PRPF31: variants seen among roughly 807,000 people sequenced by gnomAD.
PRPF31 encodes the protein pre-mRNA processing factor 31, also known as U4/U6 small nuclear ribonucleoprotein Prp31.
Under a neutral mutation model 60.4 loss-of-function variants are expected in PRPF31, and 12 were observed. The ratio of observed to expected loss-of-function variants is 0.20; its 90% confidence interval spans 0.13 to 0.32. The LOEUF (loss-of-function observed/expected upper bound fraction) is 0.32, where lower values mean the gene tolerates loss of function less well. PRPF31 is among the 10% of genes least tolerant of loss of function. The pLI is 1.00. For missense variants in PRPF31, 431 were observed against 687.1 expected, an observed-to-expected ratio of 0.63 and a Z score of 4.17; for synonymous variants, 287 against 287.9, an observed-to-expected ratio of 1.00 and a Z score of 0.03.
intron 7 of PRPF31, 80 bp downstream of exon 7, chr19:54,123,998 A>C: frequency 6.3e-7 from 1 of 1,593,932 alleles, no homozygotes; most frequent in East Asian, 2.2e-5. Flanking sequence ...TTTTCTGTAG[A>C]ATGGGGGCTT....
intron 8 of PRPF31, among the ~76,000 whole-genome samples, chr19:54,125,736 C>T (rs1006752392): frequency 4.6e-5 from 7 of 152,264 alleles, no homozygotes; most frequent in Admixed American, 1.3e-4. Context: ...TTAGGTCAGG[C>T]ACTGCTACTG....
intron 13 of PRPF31, among the ~76,000 whole-genome samples, chr19:54,131,044 A>G (rs1242479531): frequency 4.6e-5 from 7 of 152,142 alleles, no homozygotes; most frequent in African/African-American, 7.2e-5. Flanking sequence ...ACTGGGCAGG[A>G]TTGGCTGTCC....
intron 13 of PRPF31, among the ~76,000 whole-genome samples, chr19:54,129,756 T>A (rs1482045049): frequency 1.3e-5 from 2 of 148,868 alleles, no homozygotes; most frequent in Non-Finnish European, 3.0e-5. Flanking sequence ...GGCTTGGATG[T>A]CAAGTGTGGG....
Position 54,128,503 on chromosome 19 carries a change from C to CG in PRPF31, c.1146+126_1146+127insG, listed in dbSNP as rs1491085447. 4 of 664,510 alleles carry CG rather than the reference C, an allele frequency of 6.0e-6. No individual in the cohort carries two copies. In the East Asian group the frequency reaches 1.5e-4, roughly 25 times the overall value. The allele number at this position is 664,510 out of a possible 1,614,324, so 41.2% of individuals were successfully genotyped here. On this transcript the variant is annotated intron_variant, in intron 11 of 13. Transcript: ENST00000321030. The stretch of plus-strand genomic sequence containing the variant: ...CATGTCTAGGGCGCTGCCCCAGCCT[C>CG]CCCCCCCCCGGCCTCTATTCTCGTT...
rs2073971306 is a variant in PRPF31 at position 54,128,360 on chromosome 19, C to T, written c.1129C>T (p.Arg377Cys). 2 of 1,547,964 alleles carry T rather than the reference C, an allele frequency of 1.3e-6. No homozygotes were observed. The highest frequency in any genetic ancestry group is 1.4e-5 in the African/African-American group (1 of 72,884). Reference sequence around the variant, plus strand: ...GACGGAGATCCGGAAGCAGGCCAACCGTATGAGCTTCGGAGAGGTCAGACT... The same window carrying T: ...GACGGAGATCCGGAAGCAGGCCAACTGTATGAGCTTCGGAGAGGTCAGACT... ...GLTEIRKQAN[R>C]MSFGEIEEDA... is the part of the protein sequence containing the mutation. Residue 377 changes from arginine (R) to cysteine (C), a missense_variant, in exon 11 of 14, where the codon CGT (arginine) becomes TGT (cysteine). By Grantham distance (180) the Arg-to-Cys change is radical. Coordinates refer to ENST00000321030, the MANE Select transcript of PRPF31 (RefSeq NM_015629.4).
intron 13 of PRPF31, among the ~76,000 whole-genome samples, 191 bp from the exon 14 acceptor site, chr19:54,131,116 C>T (rs1476840846): frequency 2.0e-5 from 3 of 152,292 alleles, no homozygotes; most frequent in Middle Eastern, 3.4e-3. Context: ...CGCCCTGGTT[C>T]CTCCCCACCC....
chr19:54,118,510 G>C (rs1600324953), intron 2 of PRPF31, 55 bp downstream of exon 2: 5 of 1,613,638 alleles, frequency 3.1e-6, no homozygotes, highest in East Asian at 4.5e-5. Flanking sequence ...TCTCCCAGAA[G>C]GGGGTGATAC....
Position 54,124,563 on chromosome 19 carries a change from C to T in PRPF31, c.762C>T (p.Ala254=), listed in dbSNP as rs1370281101. ...MPACNIMLLG[A]QRKTLSGFSS... ...CCTGCAACATCATGCTGCTCGGGGC[C>T]CAGCGCAAGACGCTGTCGGGCTTCT... The change falls in exon 8 of 14, where the codon GCC becomes GCT. Residue 254 remains alanine (A), a synonymous_variant. Transcript: ENST00000321030. The T allele has an allele frequency of 6.2e-7, 1 of 1,612,964 alleles. No individual in the cohort carries two copies. The highest frequency in any genetic ancestry group is 2.2e-5 in the East Asian group (1 of 44,884).
intron 13 of PRPF31, among the ~76,000 whole-genome samples, 183 bp downstream of exon 13, chr19:54,129,553 A>G (rs587691981): frequency 6.7e-6 from 1 of 148,440 alleles, no homozygotes; most frequent in African/African-American, 2.5e-5. Flanking sequence ...CAGAGACGAG[A>G]GCCCAGCGCT....
intron 4 of PRPF31, 138 bp from the exon 5 acceptor site, chr19:54,122,359 C>G (rs964787464): frequency 5.1e-5 from 40 of 784,514 alleles, no homozygotes; most frequent in African/African-American, 3.4e-4. Context: ...CTGAGAAAGG[C>G]TGTATGCTGG....
At chr19:54,118,541 C>T in intron 2 of PRPF31, 32 bp from the exon 3 acceptor site, 1 of 1,613,802 alleles carries the variant, frequency 6.2e-7, no homozygotes. Context: ...TTGAAGAGTG[C>T]TGGATTCTGA....
At chr19:54,124,083 A>G (rs56234781) in intron 7 of PRPF31, 165 bp downstream of exon 7, 1,133,981 of 1,396,988 alleles carry the variant, frequency 0.81, 460,945 homozygotes, top group African/African-American at 0.89. Flanking sequence ...GCAAAGCCTC[A>G]TCTGTGGGAA....
In PRPF31 at chr19:54,116,874, C is replaced by T. The variant is rs377216684; in HGVS notation, c.-9+1077C>T. Among the ~76,000 whole-genome samples the T allele has an allele frequency of 1.7e-4, 26 of 152,268 alleles. 1 individual carries two copies. The East Asian group carries it at 2.9e-3, about 17-fold the overall frequency. On this transcript the variant is annotated intron_variant, in intron 1 of 13. Transcript: ENST00000321030. The stretch of plus-strand genomic sequence containing the variant: ...CTTTGGGTGGCCCAGGCGAAAGGAT[C>T]GCTTGAGCCCAGGAGTTTGAGACCA...
chr19:54,122,916 G>A (rs2073828439), intron 5 of PRPF31: 3 of 519,536 alleles, frequency 5.8e-6, no homozygotes, highest in South Asian at 2.0e-5. Flanking sequence ...GGAGAGAGAC[G>A]TCTAAGTGCA....
At chr19:54,122,735 G>A (rs1033356129) in intron 5 of PRPF31, 141 bp downstream of exon 5, 9 of 763,762 alleles carry the variant, frequency 1.2e-5, no homozygotes, top group South Asian at 4.2e-5. Flanking sequence ...TCTGCCCAGC[G>A]TGGGAGGGAC....
chr19:54,124,773 G>A, intron 8 of PRPF31, 117 bp downstream of exon 8: 3 of 1,237,492 alleles, frequency 2.4e-6, no homozygotes, highest in Non-Finnish European at 3.5e-6. Flanking sequence ...TCAGGAGCTG[G>A]GAACAGGGTG....
Position 54,131,539 on chromosome 19 carries a change from G to A in PRPF31, c.*107G>A. ...GCAGGGAGAACCTGCCCTGCCACTG[G>A]CCCCATTGCTGGGACTGCCCAGGGA... On this transcript the variant is annotated 3_prime_UTR_variant, in exon 14 of 14. Transcript: ENST00000321030. The A allele has an allele frequency of 6.6e-7, 1 of 1,512,364 alleles. No homozygotes were observed. Among genetic ancestry groups the A allele is most frequent in the Non-Finnish European group, 9.0e-7 (1 of 1,110,274 alleles). 93.7% of individuals were successfully genotyped at this position (1,512,364 alleles called of 1,614,324 possible). A position where few individuals can be genotyped will look rare whatever the true frequency, so the allele number is the denominator to read the frequency against.
At chr19:54,120,053 T>C (rs2146400454) in intron 3 of PRPF31, 1 of 152,340 alleles carries the variant, frequency 6.6e-6, no homozygotes, top group Admixed American at 6.5e-5. Flanking sequence ...AGGGACTGGC[T>C]GACCCTGCCC....
intron 13 of PRPF31, among the ~76,000 whole-genome samples, chr19:54,130,707 G>A (rs28453957): frequency 0.32 from 48,179 of 151,598 alleles, 7,801 homozygotes; most frequent in Middle Eastern, 0.38. Flanking sequence ...CTCTCGTTTC[G>A]GAGCAGCCAG....
Sources: gnomAD v4.1 joint callset for allele counts (sites outside exome capture counted in the v4.1 genomes callset) on GRCh38, gnomAD v4.1.1 for gene constraint, MANE v1.5 for transcripts, NCBI Gene and HGNC (gene_info 2026-07-23, HGNC 2026-07-21) for gene names.